Variants in ENTPD1 observed in about 807,000 individuals in gnomAD.
The protein encoded by ENTPD1 is ectonucleoside triphosphate diphosphohydrolase 1.
ENTPD1 carries 33 observed loss-of-function variants against 57.0 expected under a neutral mutation model. The observed-to-expected ratio is 0.58, with a 90% CI of 0.44 to 0.77. The LOEUF (loss-of-function observed/expected upper bound fraction) is 0.77, where lower values mean the gene tolerates loss of function less well. Ranked by LOEUF, ENTPD1 falls within the 30% of genes least tolerant of loss-of-function variation. ENTPD1 has a pLI of 0.00. For synonymous variants in ENTPD1, 202 were observed against 218.8 expected (o/e 0.92, Z 0.68); for missense variants, 501 against 603.4 (o/e 0.83, Z 1.78).
At chr10:95,772,116 A>G (rs906180015) in intron 1 of ENTPD1, among the ~76,000 whole-genome samples, 7 of 152,256 alleles carry the variant, frequency 4.6e-5, no homozygotes, top group Non-Finnish European at 7.3e-5. Context: ...AAATGCTAAC[A>G]GTCATCTGAA....
chr10:95,836,651 G>C (rs943076012), intron 2 of ENTPD1, among the ~76,000 whole-genome samples: 1 of 152,200 alleles, frequency 6.6e-6, no homozygotes, highest in African/African-American at 2.4e-5. Context: ...TCCACTGCCA[G>C]ACTTTGAGGC....
At chr10:95,792,078 A>C (rs1297905939) in intron 1 of ENTPD1, among the ~76,000 whole-genome samples, 2 of 152,092 alleles carry the variant, frequency 1.3e-5, no homozygotes, top group African/African-American at 4.8e-5. Context: ...AGTTAAAAAA[A>C]AACATCAAAA....
chr10:95,855,823 C>T (rs1203666664), intron 7 of ENTPD1, among the ~76,000 whole-genome samples: 4 of 152,332 alleles, frequency 2.6e-5, no homozygotes, highest in African/African-American at 9.6e-5. Flanking sequence ...GTCTGATGGG[C>T]TTCCCTTTGT....
intron 7 of ENTPD1, among the ~76,000 whole-genome samples, chr10:95,849,473 G>A (rs1188097102): frequency 6.6e-6 from 1 of 152,190 alleles, no homozygotes; most frequent in African/African-American, 2.4e-5. Flanking sequence ...CAGCAAGAGA[G>A]TTTCTCCTAA....
At chr10:95,711,304 G>T (rs1248935532), upstream of ENTPD1, among the ~76,000 whole-genome samples, 5 of 152,128 alleles carry the variant, frequency 3.3e-5, no homozygotes, top group Admixed American at 3.3e-4. Flanking sequence ...AGCGGGTCCT[G>T]TCCCACATCC....
chr10:95,868,771 C>T lies in ENTPD1; in HGVS notation c.*2388C>T. On this transcript the variant is annotated 3_prime_UTR_variant, in exon 10 of 10. Coordinates refer to ENST00000371205, the MANE Select transcript of ENTPD1 (RefSeq NM_001776.6). ...TTTCCCTCAGCAAGTTGGAATTAGA[C>T]TTCACAAGTCTCCTTCAGAGAACAC... is the stretch of plus-strand genomic sequence containing the variant. 1.0e-6 allele frequency: 1 copy of T among 985,370 alleles called. No homozygotes were observed. The highest frequency in any genetic ancestry group is 1.2e-6 in the Non-Finnish European group (1 of 829,928). The allele number at this position is 985,370 out of a possible 1,614,324, so 61.0% of individuals were successfully genotyped here. A position where few individuals can be genotyped will look rare whatever the true frequency, so the allele number is the denominator to read the frequency against.
chr10:95,859,351 A>G (rs906487859), intron 7 of ENTPD1, among the ~76,000 whole-genome samples: 2 of 152,216 alleles, frequency 1.3e-5, no homozygotes, highest in African/African-American at 4.8e-5. Flanking sequence ...GCCTATGCGA[A>G]TTACACTTTG....
In ENTPD1 at chr10:95,803,506, C is replaced by T. The variant is rs571718194; in HGVS notation, c.17-19731C>T. Among the ~76,000 whole-genome samples, 7 of 152,340 alleles carry T rather than the reference C, an allele frequency of 4.6e-5. No individual in the cohort carries two copies. In the South Asian group the frequency reaches 1.4e-3, roughly 32 times the overall value. On this transcript the variant is annotated intron_variant, in intron 1 of 9. Coordinates refer to ENST00000371205, the MANE Select transcript of ENTPD1 (RefSeq NM_001776.6). ...TGTCTGTTGGCTGCATAGATGTCCT[C>T]TTTTGAGAAGTGTCTGTTCATATCC...
At chr10:95,802,001 T>C (rs1041903339) in intron 1 of ENTPD1, among the ~76,000 whole-genome samples, 1 of 152,192 alleles carries the variant, frequency 6.6e-6, no homozygotes, top group African/African-American at 2.4e-5. Context: ...ATCTCTGACT[T>C]TTTAGATTTA....
At position 95,867,942 on chromosome 10, in the gene ENTPD1, T is replaced by C. The variant is rs2141016964; in HGVS notation, c.*1559T>C. The C allele has an allele frequency of 1.0e-6, 1 of 985,496 alleles. No homozygotes were observed. Among genetic ancestry groups the C allele is most frequent in the East Asian group, 1.1e-4 (1 of 8,826 alleles). 61.0% of individuals were successfully genotyped at this position (985,496 alleles called of 1,614,324 possible). ...TAATCTTCTTTTCTGCTACTTAGGT[T>C]AAATTCACTAGATCTTGATTAGGAA... On this transcript the variant is annotated 3_prime_UTR_variant, in exon 10 of 10. Transcript: ENST00000371205.
intron 1 of ENTPD1, among the ~76,000 whole-genome samples, chr10:95,767,733 A>C (rs185172862): frequency 1.1e-3 from 172 of 152,246 alleles, no homozygotes; most frequent in African/African-American, 4.0e-3. Context: ...ACTTCTCTTA[A>C]ATATAGCAAT....
intron 6 of ENTPD1, among the ~76,000 whole-genome samples, chr10:95,847,147 T>C (rs2098437315): frequency 6.6e-6 from 1 of 152,236 alleles, no homozygotes; most frequent in Non-Finnish European, 1.5e-5. Context: ...CTGACCTAGA[T>C]GATTAGGACT....
At chr10:95,705,927 G>A in the ENTPD1 span, among the ~76,000 whole-genome samples, 5 of 152,142 alleles carry the variant, frequency 3.3e-5, no homozygotes, top group South Asian at 2.1e-4. Context: ...GTGAGACCTC[G>A]TCTCTATGAA....
At chr10:95,696,120 G>C in the ENTPD1 span, among the ~76,000 whole-genome samples, 1 of 152,108 alleles carries the variant, frequency 6.6e-6, no homozygotes, top group Non-Finnish European at 1.5e-5. Context: ...GAGTGATAAG[G>C]AAGTAATGTT....
chr10:95,768,510 C>G (rs557461850), intron 1 of ENTPD1, among the ~76,000 whole-genome samples: 2 of 150,398 alleles, frequency 1.3e-5, no homozygotes, highest in East Asian at 3.9e-4. Flanking sequence ...CTTTCTTTCT[C>G]TCTCTCTTTC....
chr10:95,754,498 T>C (rs959104639), upstream of ENTPD1: 1 of 152,172 alleles, frequency 6.6e-6, no homozygotes, highest in Non-Finnish European at 1.5e-5. Context: ...CTTTGATGTT[T>C]TGGTTTCCAT....
intron 1 of ENTPD1, among the ~76,000 whole-genome samples, chr10:95,811,766 T>C (rs2098309119): frequency 6.6e-6 from 1 of 152,230 alleles, no homozygotes; most frequent in African/African-American, 2.4e-5. Context: ...CTTTTTCATG[T>C]CTGCATAGAA....
intron 1 of ENTPD1, among the ~76,000 whole-genome samples, chr10:95,777,386 G>A (rs1222615163): frequency 2.0e-5 from 3 of 152,162 alleles, no homozygotes; most frequent in Admixed American, 2.0e-4. Context: ...CTAACAGTCA[G>A]GTCCCTTAAC....
chr10:95,869,819 A>G lies in ENTPD1; in HGVS notation c.*3436A>G. On this transcript the variant is annotated 3_prime_UTR_variant, in exon 10 of 10. Transcript: ENST00000371205. ...CAAAATACTATCAAGGAATCAATAT[A>G]AAAATTGTTAATATTTTTCTCATAC... 1.4e-6 allele frequency: 1 copy of G among 718,664 alleles called. No homozygotes were observed. The highest frequency in any genetic ancestry group is 1.7e-6 in the Non-Finnish European group (1 of 586,656). 44.5% of individuals were successfully genotyped at this position (718,664 alleles called of 1,614,324 possible). A position where few individuals can be genotyped will look rare whatever the true frequency, so the allele number is the denominator to read the frequency against.
Sources: allele counts gnomAD v4.1 joint callset (sites outside exome capture counted in the v4.1 genomes callset), GRCh38; gene constraint gnomAD v4.1.1; transcripts MANE v1.5; gene names NCBI Gene and HGNC (gene_info 2026-07-23, HGNC 2026-07-21).